Variants in DPP10 observed in about 807,000 individuals in gnomAD.
The protein encoded by DPP10 is dipeptidyl peptidase like 10.
DPP10 carries 33 observed loss-of-function variants against 120.9 expected under a neutral mutation model. The ratio of observed to expected loss-of-function variants is 0.27; its 90% CI spans 0.21 to 0.37. DPP10 has a LOEUF of 0.37. DPP10 is among the 10% of genes least tolerant of loss of function. DPP10 has a pLI of 1.00. For synonymous variants in DPP10, 337 were observed against 326.1 expected (o/e 1.03, Z -0.36); for missense variants, 816 against 942.8 (o/e 0.87, Z 1.76).
At chr2:115,334,492 AT>A (rs969663894) in intron 2 of DPP10, among the ~76,000 whole-genome samples, 3 of 151,496 alleles carry the variant, frequency 2.0e-5, no homozygotes, top group Non-Finnish European at 4.4e-5. Flanking sequence ...ATAGATTATT[AT>A]TTTTCCAATT....
chr2:115,672,458 GA>G (rs1439659190), intron 5 of DPP10, among the ~76,000 whole-genome samples: 3 of 151,878 alleles, frequency 2.0e-5, no homozygotes, highest in Admixed American at 6.6e-5. Context: ...ACAAGGGCAA[GA>G]AAAAAATGAG....
intron 3 of DPP10, among the ~76,000 whole-genome samples, chr2:115,496,811 A>G (rs1306436458): frequency 6.6e-6 from 1 of 152,110 alleles, no homozygotes; most frequent in Non-Finnish European, 1.5e-5. Context: ...GAGATTAGCC[A>G]TGTGGGAGAA....
chr2:114,589,037 T>TGG (rs3981303), intron 1 of DPP10, among the ~76,000 whole-genome samples: 6,449 of 101,480 alleles, frequency 0.064, 290 homozygotes, highest in Non-Finnish European at 0.082. Context: ...AAGGTTTTTT[T>TGG]GGGGGGGGGG....
chr2:114,946,403 T>G (rs978168687), intron 1 of DPP10, among the ~76,000 whole-genome samples: 6 of 152,198 alleles, frequency 3.9e-5, no homozygotes, highest in Non-Finnish European at 7.4e-5. Context: ...GTTCTAGACC[T>G]GTTTTACAAT....
At chr2:115,701,251 A>G (rs1176970534) in intron 7 of DPP10, among the ~76,000 whole-genome samples, 1 of 152,144 alleles carries the variant, frequency 6.6e-6, no homozygotes, top group Non-Finnish European at 1.5e-5. Flanking sequence ...AAAGACAGTA[A>G]TATAGACCAA....
chr2:114,756,199 T>C (rs961802797), intron 1 of DPP10, among the ~76,000 whole-genome samples: 1 of 152,188 alleles, frequency 6.6e-6, no homozygotes, highest in East Asian at 1.9e-4. Context: ...CTAAAAATCA[T>C]AGTTCAAACT....
intron 1 of DPP10, chr2:114,707,064 A>G (rs1420076453): frequency 6.6e-6 from 1 of 152,148 alleles, no homozygotes; most frequent in African/African-American, 2.4e-5. Flanking sequence ...TGCCACACAG[A>G]TGTGGGGCTG....
At chr2:115,561,762 T>A (rs554939765) in intron 5 of DPP10, among the ~76,000 whole-genome samples, 8 of 152,342 alleles carry the variant, frequency 5.3e-5, no homozygotes, top group Non-Finnish European at 7.3e-5. Flanking sequence ...TAAGTTTTTT[T>A]AAATAAATTG....
At chr2:115,729,367 C>A (rs2149646667) in intron 8 of DPP10, among the ~76,000 whole-genome samples, 1 of 152,224 alleles carries the variant, frequency 6.6e-6, no homozygotes, top group South Asian at 2.1e-4. Context: ...ATGAAGAAAC[C>A]ATGTTAATGC....
chr2:115,508,570 G>A (rs980222093), intron 4 of DPP10, among the ~76,000 whole-genome samples: 3 of 152,086 alleles, frequency 2.0e-5, no homozygotes, highest in African/African-American at 7.2e-5. Flanking sequence ...TAATGCATTG[G>A]CTGTATCTGT....
At chr2:115,006,551 AG>A (rs1339166163) in intron 1 of DPP10, among the ~76,000 whole-genome samples, 1 of 149,188 alleles carries the variant, frequency 6.7e-6, no homozygotes, top group African/African-American at 2.5e-5. Flanking sequence ...AAACAAAAAA[AG>A]GCAGGGGTTG....
At position 115,815,011 on chromosome 2, in the gene DPP10, C is replaced by A. The variant is rs1310925995; in HGVS notation, c.1895+24C>A. 4 of 1,563,162 alleles carry A rather than the reference C, an allele frequency of 2.6e-6. No homozygotes were observed. The African/African-American group carries it at 5.4e-5, about 21-fold the overall frequency. On this transcript the variant is annotated intron_variant, in intron 20 of 25. Coordinates refer to ENST00000410059, the MANE Select transcript of DPP10 (RefSeq NM_020868.6). ...AAGTAAGTGGATGCACATTTTTCTT[C>A]TCTGTTTTCTATAATGACAGAGTCT...
intron 1 of DPP10, among the ~76,000 whole-genome samples, chr2:114,778,959 G>A (rs1312548196): frequency 1.3e-5 from 2 of 151,948 alleles, no homozygotes; most frequent in African/African-American, 4.8e-5. Flanking sequence ...CCCCTTTATG[G>A]TTACTGTAAA....
chr2:115,695,346 C>T (rs931816966), intron 7 of DPP10, among the ~76,000 whole-genome samples: 7 of 152,046 alleles, frequency 4.6e-5, no homozygotes, highest in South Asian at 2.1e-4. Context: ...TGTATTAGTC[C>T]GTTCTCATGC....
intron 21 of DPP10, among the ~76,000 whole-genome samples, chr2:115,822,033 C>G (rs1405080615): frequency 6.6e-6 from 1 of 151,948 alleles, no homozygotes; most frequent in Non-Finnish European, 1.5e-5. Context: ...TACGCCAACA[C>G]TTAATATCAT....
chr2:115,258,488 A>AG (rs1480565877), intron 1 of DPP10, among the ~76,000 whole-genome samples: 3 of 152,134 alleles, frequency 2.0e-5, no homozygotes, highest in Non-Finnish European at 4.4e-5. Context: ...GCAAAAAAAA[A>AG]AAAAAATCTT....
At chr2:114,495,713 C>T (rs1682454152) in intron 1 of DPP10, among the ~76,000 whole-genome samples, 1 of 152,106 alleles carries the variant, frequency 6.6e-6, no homozygotes, top group African/African-American at 2.4e-5. Context: ...AAGATAAGGC[C>T]ATAAACTGAT....
intron 12 of DPP10, among the ~76,000 whole-genome samples, chr2:115,765,981 C>A (rs1680656338): frequency 6.6e-6 from 1 of 151,974 alleles, no homozygotes; most frequent in African/African-American, 2.4e-5. Flanking sequence ...AAGCTAAAAT[C>A]AAACTGTTCA....
intron 1 of DPP10, among the ~76,000 whole-genome samples, chr2:114,511,277 C>T (rs890419887): frequency 6.6e-6 from 1 of 152,130 alleles, no homozygotes; most frequent in Non-Finnish European, 1.5e-5. Context: ...TGCAGAGAGA[C>T]TTTATAAAAT....
Sources: gnomAD v4.1 joint callset for allele counts (sites outside exome capture counted in the v4.1 genomes callset) on GRCh38, gnomAD v4.1.1 for gene constraint, MANE v1.5 for transcripts, NCBI Gene and HGNC (gene_info 2026-07-23, HGNC 2026-07-21) for gene names.